Variants in DEPDC5 observed in about 807,000 individuals in gnomAD.
The protein encoded by DEPDC5 is GATOR1 complex protein DEPDC5.
DEPDC5 carries 73 observed loss-of-function variants against 217.3 expected under a neutral mutation model. The ratio of observed to expected loss-of-function variants is 0.34; its 90% CI spans 0.28 to 0.41. The LOEUF (loss-of-function observed/expected upper bound fraction) is 0.41. DEPDC5 is among the 10% of genes least tolerant of loss of function. The probability of loss-of-function intolerance (pLI) is 1.00; values close to 1 mark genes in which losing one functional copy is unlikely to be tolerated. For synonymous variants in DEPDC5, 733 were observed against 756.7 expected (o/e 0.97, Z 0.51); for missense variants, 1,675 against 2,070.1 (o/e 0.81, Z 3.70).
chr22:31,834,944 A>C (rs746089604), intron 25 of DEPDC5, among the ~76,000 whole-genome samples: 2 of 152,170 alleles, frequency 1.3e-5, no homozygotes, highest in African/African-American at 2.4e-5. Flanking sequence ...TTTCTTATTC[A>C]TGACCATTTG....
intron 29 of DEPDC5, chr22:31,844,700 C>CTT (rs1569086586): frequency 4.0e-6 from 1 of 250,998 alleles, no homozygotes; most frequent in Admixed American, 8.2e-5. Context: ...TCCTTCAGAG[C>CTT]TCTTTTTTTT....
At chr22:31,876,489 A>C (rs563318436) in intron 37 of DEPDC5, among the ~76,000 whole-genome samples, 3 of 152,330 alleles carry the variant, frequency 2.0e-5, no homozygotes, top group Admixed American at 2.0e-4. Context: ...TGGGTGAAAG[A>C]TAAAGCTAAA....
intron 7 of DEPDC5, among the ~76,000 whole-genome samples, chr22:31,777,539 C>T (rs765457484): frequency 5.9e-5 from 9 of 151,848 alleles, no homozygotes; most frequent in Non-Finnish European, 8.8e-5. Flanking sequence ...GGATTACAGG[C>T]GTGAGCCACC....
chr22:31,874,039 C>T (rs1163947790), intron 35 of DEPDC5: 7 of 450,756 alleles, frequency 1.6e-5, no homozygotes, highest in East Asian at 1.1e-4. Context: ...GTAATCCACC[C>T]GCCTCAGCCT....
Position 31,755,301 on chromosome 22 carries a change from A to G in DEPDC5, c.58+322A>G, listed in dbSNP as rs553134891. 8.8e-5 allele frequency: 33 copies of G among 376,540 alleles called. No homozygotes were observed. In the South Asian group the frequency reaches 1.0e-3, roughly 12 times the overall value. 23.3% of individuals were successfully genotyped at this position (376,540 alleles called of 1,614,324 possible). Reference sequence around the variant, plus strand: ...TGGTTTGGCAGATAAGAGAAACTAAAATCGTTTATCAGTTTTTACATTGAG... The same window carrying G: ...TGGTTTGGCAGATAAGAGAAACTAAGATCGTTTATCAGTTTTTACATTGAG... On this transcript the variant is annotated intron_variant, in intron 2 of 42. Transcript: ENST00000651528.
chr22:31,764,829 C>T, intron 4 of DEPDC5, 146 bp from the exon 5 acceptor site: 1 of 573,122 alleles, frequency 1.7e-6, no homozygotes, highest in East Asian at 2.9e-5. Context: ...TGTTTAAATT[C>T]TAAGCTCCTG....
intron 8 of DEPDC5, among the ~76,000 whole-genome samples, chr22:31,781,224 A>C (rs1413340848): frequency 7.1e-6 from 1 of 141,286 alleles, no homozygotes; most frequent in African/African-American, 2.6e-5. Flanking sequence ...CTCAAAAACA[A>C]ACAAACAAAC....
intron 36 of DEPDC5, chr22:31,875,688 A>G (rs1367152343): frequency 7.4e-6 from 1 of 135,064 alleles, no homozygotes; most frequent in African/African-American, 2.9e-5. Context: ...GCTGGAGTGC[A>G]GTAGTGCTAA....
intron 36 of DEPDC5, 65 bp downstream of exon 36, chr22:31,874,470 A>G: frequency 6.6e-7 from 1 of 1,524,462 alleles, no homozygotes; most frequent in African/African-American, 1.4e-5. Context: ...GGCCTGCCTT[A>G]GAAGCCATCA....
intron 33 of DEPDC5, among the ~76,000 whole-genome samples, chr22:31,865,120 C>A (rs919812483): frequency 6.6e-6 from 1 of 152,164 alleles, no homozygotes; most frequent in African/African-American, 2.4e-5. Flanking sequence ...GCCACCGCAC[C>A]CAGCCGTATT....
At chr22:31,874,026 C>T in intron 35 of DEPDC5, 1 of 404,478 alleles carries the variant, frequency 2.5e-6, no homozygotes, top group South Asian at 2.6e-5. Flanking sequence ...CTCCTGACCT[C>T]AGGTAATCCA....
chr22:31,806,281 C>A, intron 18 of DEPDC5, 90 bp downstream of exon 18: 1 of 1,157,968 alleles, frequency 8.6e-7, no homozygotes, highest in Non-Finnish European at 1.2e-6. Flanking sequence ...CCTGTTTCAG[C>A]CTCCCAAAGT....
intron 22 of DEPDC5, among the ~76,000 whole-genome samples, 169 bp from the exon 23 acceptor site, chr22:31,821,333 C>T (rs1345752044): frequency 6.6e-6 from 1 of 151,252 alleles, no homozygotes; most frequent in Non-Finnish European, 1.5e-5. Context: ...TAGGATGGGT[C>T]CTGCTTGGAA....
intron 24 of DEPDC5, among the ~76,000 whole-genome samples, chr22:31,824,858 C>G (rs2090013787): frequency 6.6e-6 from 1 of 151,738 alleles, no homozygotes; most frequent in Admixed American, 6.6e-5. Flanking sequence ...CACCTGTAGT[C>G]CCAGCTACTT....
At chr22:31,885,041 T>C (rs1387373884) in intron 38 of DEPDC5, among the ~76,000 whole-genome samples, 1 of 152,206 alleles carries the variant, frequency 6.6e-6, no homozygotes, top group East Asian at 1.9e-4. Context: ...TCTGCATTGC[T>C]GCTGTCACCT....
chr22:31,839,739 C>T (rs1380480809), intron 27 of DEPDC5, among the ~76,000 whole-genome samples: 1 of 152,222 alleles, frequency 6.6e-6, no homozygotes, highest in Non-Finnish European at 1.5e-5. Flanking sequence ...CTTCCAGACC[C>T]TACTGAATGT....
chr22:31,774,430 C>G (rs185450446), intron 7 of DEPDC5, among the ~76,000 whole-genome samples: 1 of 151,902 alleles, frequency 6.6e-6, no homozygotes, highest in South Asian at 2.1e-4. Context: ...AACTCCCGAC[C>G]TCAGGTAATC....
intron 38 of DEPDC5, among the ~76,000 whole-genome samples, chr22:31,889,631 C>G (rs2093397082): frequency 6.6e-6 from 1 of 150,756 alleles, no homozygotes; most frequent in African/African-American, 2.4e-5. Context: ...AGCTCCGCCT[C>G]CCAGGTTCAC....
At chr22:31,758,907 GT>G (rs543401141) in intron 3 of DEPDC5, among the ~76,000 whole-genome samples, 44 of 143,350 alleles carry the variant, frequency 3.1e-4, no homozygotes, top group Non-Finnish European at 2.9e-4. Flanking sequence ...CCATTCCTTC[GT>G]TTTTTTTTTT....
Sources: gnomAD v4.1 joint callset for allele counts (sites outside exome capture counted in the v4.1 genomes callset) on GRCh38, gnomAD v4.1.1 for gene constraint, MANE v1.5 for transcripts, NCBI Gene and HGNC (gene_info 2026-07-23, HGNC 2026-07-21) for gene names.